Variants in PACS1 observed in about 807,000 individuals in gnomAD.
PACS1 encodes the protein PACS-1.
In PACS1, 24 loss-of-function variants were observed where a neutral mutation model predicts 115.0. The observed-to-expected ratio is 0.21, with a 90% CI of 0.15 to 0.29. The LOEUF is 0.29. Ranked by LOEUF, PACS1 falls within the 10% of genes least tolerant of loss-of-function variation. The probability of loss-of-function intolerance (pLI) is 1.00; values close to 1 mark genes in which losing one functional copy is unlikely to be tolerated. For synonymous variants in PACS1, 453 were observed against 504.5 expected (o/e 0.90, Z 1.37); for missense variants, 838 against 1,251.2 (o/e 0.67, Z 4.98).
intron 1 of PACS1, among the ~76,000 whole-genome samples, chr11:66,135,241 A>G (rs553745375): frequency 6.6e-6 from 1 of 152,124 alleles, no homozygotes; most frequent in Non-Finnish European, 1.5e-5. Flanking sequence ...CATTCTTTTC[A>G]TTATATTTTG....
At position 66,095,574 on chromosome 11, in the gene PACS1, C is replaced by T. The variant is rs548452712; in HGVS notation, c.356+24732C>T. Among the ~76,000 whole-genome samples the T allele has an allele frequency of 2.6e-5, 4 of 152,342 alleles. No homozygotes were observed. In the East Asian group the frequency reaches 7.7e-4, roughly 29 times the overall value. On this transcript the variant is annotated intron_variant, in intron 1 of 23. Coordinates refer to ENST00000320580, the MANE Select transcript of PACS1 (RefSeq NM_018026.4). ...CTGGATTCAAGTGATTCTCCTGCCTCAGCCTCCTGAACAGCAGGGGTTACA... is the reference window on the plus strand; with the variant it reads ...CTGGATTCAAGTGATTCTCCTGCCTTAGCCTCCTGAACAGCAGGGGTTACA...
intron 1 of PACS1, among the ~76,000 whole-genome samples, chr11:66,153,704 C>T (rs549175024): frequency 1.3e-5 from 2 of 152,156 alleles, no homozygotes; most frequent in South Asian, 4.2e-4. Context: ...TGGCGTGAAC[C>T]CGGGAGACGG....
At chr11:66,211,534 A>G (rs147345566) in intron 4 of PACS1, among the ~76,000 whole-genome samples, 86 of 152,362 alleles carry the variant, frequency 5.6e-4, no homozygotes, top group African/African-American at 2.0e-3. Flanking sequence ...GAATAGTACA[A>G]AGAGTTCCCA....
chr11:66,136,223 C>T (rs1296292666), intron 1 of PACS1, among the ~76,000 whole-genome samples: 1 of 150,532 alleles, frequency 6.6e-6, no homozygotes, highest in East Asian at 1.9e-4. Context: ...TTTGGGGAGC[C>T]CAGGAGAGGA....
intron 1 of PACS1, among the ~76,000 whole-genome samples, chr11:66,182,162 A>G (rs1465496632): frequency 8.5e-5 from 13 of 152,220 alleles, no homozygotes; most frequent in Admixed American, 8.5e-4. Flanking sequence ...ATTATCATCA[A>G]GGAGATTGCA....
chr11:66,131,129 C>T (rs1273900679), intron 1 of PACS1, among the ~76,000 whole-genome samples: 2 of 152,088 alleles, frequency 1.3e-5, no homozygotes, highest in Non-Finnish European at 1.5e-5. Context: ...TGTCTTCTTA[C>T]GAACTTGTAC....
intron 1 of PACS1, among the ~76,000 whole-genome samples, chr11:66,114,667 A>C (rs1439874107): frequency 6.6e-6 from 1 of 152,144 alleles, no homozygotes; most frequent in African/African-American, 2.4e-5. Context: ...TCTAGCTTTT[A>C]AAAAAGCTTA....
At chr11:66,207,437 A>G (rs559710365) in intron 2 of PACS1, among the ~76,000 whole-genome samples, 1 of 152,364 alleles carries the variant, frequency 6.6e-6, no homozygotes, top group East Asian at 1.9e-4. Flanking sequence ...ACTGTACTCC[A>G]GCCTAGTCGA....
rs371959366 is a variant in PACS1, at chr11:66,230,515, G to A, written c.1375-33G>A. On this transcript the variant is annotated intron_variant, in intron 11 of 23. Coordinates refer to ENST00000320580, the MANE Select transcript of PACS1 (RefSeq NM_018026.4). ...CTCCTGGGTGGTCACTGAGTGGGAG[G>A]TCATCTTCACTGTTTCCTCTCCTCC... 5.3e-6 allele frequency: 8 copies of A among 1,506,206 alleles called. No individual in the cohort carries two copies. In the African/African-American group the frequency reaches 6.9e-5, roughly 13 times the overall value. The allele number at this position is 1,506,206 out of a possible 1,614,324, so 93.3% of individuals were successfully genotyped here.
intron 1 of PACS1, among the ~76,000 whole-genome samples, chr11:66,158,382 T>G (rs1040909040): frequency 6.6e-6 from 1 of 152,248 alleles, no homozygotes; most frequent in Admixed American, 6.5e-5. Flanking sequence ...AAAATCTCAC[T>G]AAGTGAAGAT....
chr11:66,145,307 A>AG (rs1358434688), intron 1 of PACS1, among the ~76,000 whole-genome samples: 6 of 152,172 alleles, frequency 3.9e-5, no homozygotes, highest in African/African-American at 1.4e-4. Flanking sequence ...GTTAGGGTAC[A>AG]GCAGGCCGTG....
chr11:66,151,570 G>A (rs11227418), intron 1 of PACS1, among the ~76,000 whole-genome samples: 5,559 of 152,248 alleles, frequency 0.037, 328 homozygotes, highest in African/African-American at 0.13. Flanking sequence ...GAGACAGTTC[G>A]CAGTTTGAAT....
chr11:66,154,067 A>G (rs977865569), intron 1 of PACS1, among the ~76,000 whole-genome samples: 1 of 152,222 alleles, frequency 6.6e-6, no homozygotes, highest in Non-Finnish European at 1.5e-5. Context: ...GATTAAGGAT[A>G]CTTTATAATG....
In PACS1 at chr11:66,244,363, C is replaced by CTCCTTCCCTCCCTG. The variant is rs1855878668; in HGVS notation, c.*1086_*1099dup. 1 of 152,936 alleles carries CTCCTTCCCTCCCTG rather than the reference C, an allele frequency of 6.5e-6. No homozygotes were observed. The highest frequency in any genetic ancestry group is 6.5e-5 in the Admixed American group (1 of 15,288). 9.5% of individuals were successfully genotyped at this position (152,936 alleles called of 1,614,324 possible). On this transcript the variant is annotated 3_prime_UTR_variant, in exon 24 of 24. Transcript: ENST00000320580. ...CCCAGCCAGGTTTCCCTCCAGCAGG[C>CTCCTTCCCTCCCTG]TCCTTCCCTCCCTGTCACCTCCCTC...
At chr11:66,071,913 G>C (rs1857315555) in intron 1 of PACS1, among the ~76,000 whole-genome samples, 1 of 152,154 alleles carries the variant, frequency 6.6e-6, no homozygotes, top group Non-Finnish European at 1.5e-5. Context: ...GGAATGATGA[G>C]AGTACATCTT....
chr11:66,179,526 G>A (rs1464110305), intron 1 of PACS1, among the ~76,000 whole-genome samples: 1 of 152,072 alleles, frequency 6.6e-6, no homozygotes, highest in African/African-American at 2.4e-5. Context: ...ACTTTTGCAG[G>A]GGGAAACTTG....
At chr11:66,160,739 T>C (rs1263467359) in intron 1 of PACS1, among the ~76,000 whole-genome samples, 1 of 150,512 alleles carries the variant, frequency 6.6e-6, no homozygotes, top group Non-Finnish European at 1.5e-5. Context: ...CAGGCTGGTC[T>C]TGAACTCCTT....
Position 66,235,576 on chromosome 11 carries a change from A to T in PACS1, c.2207+173A>T, listed in dbSNP as rs1279067938. ...CTCCCCAGCACTCCTTCCTTGCCCA[A>T]GGCCTCCCACCCATAGGAGCCTGAG... is the stretch of plus-strand genomic sequence containing the variant. On this transcript the variant is annotated intron_variant, in intron 18 of 23. Transcript: ENST00000320580. This position sits in a 1 kb window ranked among gnomAD's most constrained non-coding sequence, Gnocchi z 5.6. 4.9e-6 allele frequency: 3 copies of T among 610,150 alleles called. No homozygotes were observed. Among genetic ancestry groups the T allele is most frequent in the Non-Finnish European group, 8.8e-6 (3 of 342,822 alleles). The allele number at this position is 610,150 out of a possible 1,614,324, so 37.8% of individuals were successfully genotyped here. A position where few individuals can be genotyped will look rare whatever the true frequency, so the allele number is the denominator to read the frequency against.
At chr11:66,230,139 AAAAAAAAAAAAAAAG>A (rs1855557389) in intron 11 of PACS1, among the ~76,000 whole-genome samples, 1 of 149,238 alleles carries the variant, frequency 6.7e-6, no homozygotes, top group East Asian at 1.9e-4. Context: ...TGGGGCTAAA[AAAAAAAAAAAAAAAG>A]AAAAAAAAAA....
Sources: allele counts gnomAD v4.1 joint callset (sites outside exome capture counted in the v4.1 genomes callset), GRCh38; gene constraint gnomAD v4.1.1; non-coding constraint Gnocchi (gnomAD v3.1); transcripts MANE v1.5; gene names NCBI Gene and HGNC (gene_info 2026-07-23, HGNC 2026-07-21).